Variants in NCOA3 observed in about 807,000 individuals in gnomAD.
The protein encoded by NCOA3 is nuclear receptor coactivator 3.
A neutral mutation model predicts 158.8 loss-of-function variants in NCOA3; 51 were observed. The observed-to-expected ratio is 0.32, with a 90% CI of 0.26 to 0.41. The LOEUF is 0.41. Ranked by LOEUF, NCOA3 falls within the 10% of genes least tolerant of loss-of-function variation. The pLI is 1.00. For missense variants in NCOA3, 1,510 were observed against 1,746.6 expected, an observed-to-expected ratio of 0.86 and a Z score of 2.41; for synonymous variants, 537 against 592.4, an observed-to-expected ratio of 0.91 and a Z score of 1.36.
At chr20:47,525,938 G>C (rs1445455840) in intron 1 of NCOA3, among the ~76,000 whole-genome samples, 1 of 150,660 alleles carries the variant, frequency 6.6e-6, no homozygotes, top group Non-Finnish European at 1.5e-5. Context: ...CGGGCGGGGG[G>C]CTGACCCCCC....
intron 1 of NCOA3, among the ~76,000 whole-genome samples, chr20:47,557,371 G>A (rs1359511447): frequency 6.6e-6 from 1 of 152,126 alleles, no homozygotes; most frequent in Non-Finnish European, 1.5e-5. Flanking sequence ...CTCTAATCCT[G>A]ATAATCCTGT....
intron 8 of NCOA3, chr20:47,628,918 A>G (rs1015299171): frequency 2.0e-5 from 3 of 152,200 alleles, no homozygotes; most frequent in Admixed American, 1.3e-4. Context: ...TATATGCCCC[A>G]TCTCAGAGAT....
intron 9 of NCOA3, 99 bp from the exon 10 acceptor site, chr20:47,633,949 T>C: frequency 7.0e-7 from 1 of 1,431,328 alleles, no homozygotes; most frequent in Non-Finnish European, 9.5e-7. Context: ...TCCTTGGATT[T>C]TTAGAAATGT....
chr20:47,580,224 G>GT (rs1486847081), intron 1 of NCOA3, among the ~76,000 whole-genome samples: 20 of 152,216 alleles, frequency 1.3e-4, no homozygotes, highest in Middle Eastern at 3.4e-3. Flanking sequence ...CGAGGCAGCA[G>GT]TAATTGTTTC....
intron 21 of NCOA3, 152 bp from the exon 22 acceptor site, chr20:47,652,779 T>C: frequency 2.9e-6 from 3 of 1,040,788 alleles, no homozygotes; most frequent in Non-Finnish European, 4.3e-6. Flanking sequence ...CAGAAAGCTG[T>C]GAAAAATGGA....
chr20:47,514,623 C>T (rs1033488855), intron 1 of NCOA3, among the ~76,000 whole-genome samples: 1 of 151,892 alleles, frequency 6.6e-6, no homozygotes, highest in Non-Finnish European at 1.5e-5. Context: ...AAATTCCTGC[C>T]CTCAAGTGAT....
At chr20:47,595,344 C>T (rs533717615) in intron 2 of NCOA3, among the ~76,000 whole-genome samples, 26 of 152,090 alleles carry the variant, frequency 1.7e-4, no homozygotes, top group Admixed American at 7.2e-4. Flanking sequence ...GTGATCCGCC[C>T]GCCTTGGCCT....
Position 47,639,960 on chromosome 20 carries a change from C to T in NCOA3, c.2989C>T (p.Pro997Ser). The T allele has an allele frequency of 6.2e-7, 1 of 1,614,184 alleles. No individual in the cohort carries two copies. The highest frequency in any genetic ancestry group is 8.5e-7 in the Non-Finnish European group (1 of 1,180,032). ...AATCCCCATGGGAATGGGGGCTAAT[C>T]CCTATGGCCAAGCAGCAGCATCTAA... ...GEIPMGMGANPYGQAAASNQL... is the reference protein window; with the variant it reads ...GEIPMGMGANSYGQAAASNQL... The change falls in exon 16 of 23, where the codon CCC (proline) becomes TCC (serine). Residue 997 changes from proline (P) to serine (S), a missense_variant. Pro to Ser is a moderately conservative substitution (Grantham distance 74). Around this residue, in one of 4 missense-constraint regions of NCOA3, gnomAD observed 1,017 missense variants for 1,098.3 expected, o/e 0.93. Coordinates refer to ENST00000371998, the MANE Select transcript of NCOA3 (RefSeq NM_181659.3).
At chr20:47,528,458 T>TA (rs1216383189) in intron 1 of NCOA3, among the ~76,000 whole-genome samples, 1 of 152,110 alleles carries the variant, frequency 6.6e-6, no homozygotes, top group Non-Finnish European at 1.5e-5. Context: ...GTTGCCAAAA[T>TA]AAAAAAACAC....
intron 1 of NCOA3, among the ~76,000 whole-genome samples, chr20:47,554,403 A>G (rs998933739): frequency 3.9e-5 from 6 of 151,934 alleles, no homozygotes; most frequent in African/African-American, 1.2e-4. Flanking sequence ...CTTTAGTTTA[A>G]TTAGATCTCA....
intron 2 of NCOA3, among the ~76,000 whole-genome samples, chr20:47,610,061 A>G (rs2086019333): frequency 6.6e-6 from 1 of 152,180 alleles, no homozygotes; most frequent in Non-Finnish European, 1.5e-5. Context: ...ACCCTCCAGA[A>G]AGCAAATAAT....
At chr20:47,632,075 T>G (rs2086427297) in intron 8 of NCOA3, among the ~76,000 whole-genome samples, 1 of 152,238 alleles carries the variant, frequency 6.6e-6, no homozygotes. Context: ...TTACTTCAGA[T>G]GCCAGTTGCA....
At chr20:47,567,760 G>T (rs1298235439) in intron 1 of NCOA3, among the ~76,000 whole-genome samples, 1 of 151,994 alleles carries the variant, frequency 6.6e-6, no homozygotes, top group Admixed American at 6.6e-5. Flanking sequence ...TAGTAGAGAC[G>T]GGGTTTCACC....
In NCOA3 at chr20:47,626,987, CAT is replaced by C. The variant is rs780525751; in HGVS notation, c.358-12_358-11del. The C allele has an allele frequency of 1.2e-6, 2 of 1,602,254 alleles. No homozygotes were observed. The highest frequency in any genetic ancestry group is 2.2e-5 in the South Asian group (2 of 89,578). On this transcript the variant is annotated splice_polypyrimidine_tract_variant and intron_variant, in intron 5 of 22. Coordinates refer to ENST00000371998, the MANE Select transcript of NCOA3 (RefSeq NM_181659.3). The stretch of plus-strand genomic sequence containing the variant: ...TTCAGTCCATAACAGCCTGTATTAA[CAT>C]ATCCTATTTTAGGCATTGGATGGTT...
rs1332495 is a variant in NCOA3, at chr20:47,501,922, A to G, written c.-196A>G. ...GTCTCAGCCGCTCCACAGCGACGGC[A>G]GCGGCTGCGGCTTAGTCGGTGGCGG... is the stretch of plus-strand genomic sequence containing the variant. On this transcript the variant is annotated 5_prime_UTR_variant, in exon 1 of 23. Coordinates refer to ENST00000371998, the MANE Select transcript of NCOA3 (RefSeq NM_181659.3). 395,891 of 400,328 alleles carry G rather than the reference A, an allele frequency of 0.99. 195,894 individuals are homozygous for G. The highest frequency in any genetic ancestry group is 1 in the Non-Finnish European group (227,171 of 227,216). 24.8% of individuals were successfully genotyped at this position (400,328 alleles called of 1,614,324 possible).
intron 1 of NCOA3, among the ~76,000 whole-genome samples, chr20:47,531,551 C>G (rs754701571): frequency 1.3e-5 from 2 of 152,192 alleles, no homozygotes; most frequent in Non-Finnish European, 2.9e-5. Flanking sequence ...CTCTTCTGGA[C>G]TGTTGGGCTA....
intron 1 of NCOA3, among the ~76,000 whole-genome samples, chr20:47,573,296 G>A (rs6018561): frequency 6.6e-6 from 1 of 152,150 alleles, no homozygotes; most frequent in Non-Finnish European, 1.5e-5. Context: ...AGTAGGCTGA[G>A]GCAGGAGAAT....
intron 1 of NCOA3, among the ~76,000 whole-genome samples, chr20:47,505,374 C>G (rs1452254252): frequency 6.6e-6 from 1 of 151,958 alleles, no homozygotes; most frequent in East Asian, 1.9e-4. Context: ...TTTTTAAAAA[C>G]TATATAATTT....
intron 2 of NCOA3, among the ~76,000 whole-genome samples, chr20:47,605,097 A>G (rs1602473471): frequency 6.6e-6 from 1 of 151,936 alleles, no homozygotes; most frequent in South Asian, 2.1e-4. Flanking sequence ...CGATCTCTTG[A>G]CCTCGTGATC....
Sources: allele counts gnomAD v4.1 joint callset (sites outside exome capture counted in the v4.1 genomes callset), GRCh38; gene constraint gnomAD v4.1.1; regional missense constraint gnomAD v4.1.1; transcripts MANE v1.5; gene names NCBI Gene and HGNC (gene_info 2026-07-23, HGNC 2026-07-21).